Variants in SLC4A4 observed in about 807,000 individuals in gnomAD.
SLC4A4 encodes solute carrier family 4 member 4.
SLC4A4 carries 27 observed loss-of-function variants against 111.5 expected under a neutral mutation model. The ratio of observed to expected loss-of-function variants is 0.24; its 90% CI spans 0.18 to 0.33. SLC4A4 has a LOEUF of 0.33. Among genes scored for constraint, SLC4A4 ranks in the 10% least tolerant of loss-of-function variants. SLC4A4 has a pLI of 1.00. For missense variants in SLC4A4, 909 were observed against 1,315.5 expected, an observed-to-expected ratio of 0.69 and a Z score of 4.78; for synonymous variants, 443 against 463.4, an observed-to-expected ratio of 0.96 and a Z score of 0.57.
At chr4:71,527,719 A>G (rs1733546202) in intron 16 of SLC4A4, among the ~76,000 whole-genome samples, 1 of 151,900 alleles carries the variant, frequency 6.6e-6, no homozygotes, top group African/African-American at 2.4e-5. Flanking sequence ...GAGGAGAGCT[A>G]TCTGCCTTTT....
chr4:71,241,591 A>G (rs1324473322), intron 2 of SLC4A4, among the ~76,000 whole-genome samples: 2 of 152,060 alleles, frequency 1.3e-5, no homozygotes, highest in Non-Finnish European at 2.9e-5. Flanking sequence ...AACCTATCGG[A>G]TGGGCAGGGA....
intron 3 of SLC4A4, among the ~76,000 whole-genome samples, chr4:71,279,774 T>G (rs927250414): frequency 3.3e-5 from 5 of 152,142 alleles, no homozygotes; most frequent in Non-Finnish European, 5.9e-5. Context: ...TCCACATCCT[T>G]GCCAGTGCTT....
chr4:71,112,607 T>C (rs1381830235), intron 2 of SLC4A4, among the ~76,000 whole-genome samples: 1 of 152,208 alleles, frequency 6.6e-6, no homozygotes, highest in Non-Finnish European at 1.5e-5. Context: ...CTTGGGCCTT[T>C]GTTATTTTGC....
At chr4:71,294,863 T>C (rs1326286111) in intron 3 of SLC4A4, among the ~76,000 whole-genome samples, 1 of 152,240 alleles carries the variant, frequency 6.6e-6, no homozygotes, top group Non-Finnish European at 1.5e-5. Flanking sequence ...TGCAGAGTTA[T>C]ATTTAATTTA....
At chr4:71,509,392 T>C (rs967596283) in intron 16 of SLC4A4, among the ~76,000 whole-genome samples, 22 of 147,314 alleles carry the variant, frequency 1.5e-4, no homozygotes, top group Non-Finnish European at 4.4e-5. Context: ...TCATGGAGTA[T>C]CTTTTGTAGG....
rs183185288 is a variant in SLC4A4 at position 71,084,018 on chromosome 4, C to T, written c.-64-8712C>T. Among the ~76,000 whole-genome samples, 288 of 151,808 alleles carry T rather than the reference C, an allele frequency of 1.9e-3. 5 individuals carry two copies. The highest frequency in any genetic ancestry group is 6.8e-3 in the African/African-American group (279 of 41,260). On this transcript the variant is annotated intron_variant, in intron 1 of 26. Coordinates refer to the SLC4A4 transcript ENST00000649996. ...TGGAGCTGTCTCTCTCTCTCTCTCT[C>T]TCTGTCTCTGTGTGTGTGCATTTAT...
At position 71,497,691 on chromosome 4, in the gene SLC4A4, C is replaced by T. The variant is rs1457769324; in HGVS notation, c.2165C>T (p.Thr722Ile). 1.2e-6 allele frequency: 2 copies of T among 1,607,214 alleles called. No homozygotes were observed. The highest frequency in any genetic ancestry group is 2.2e-5 in the East Asian group (1 of 44,792). ...AAAACTAGTCCTTATTTTCCAACCACAGTAAGTACCTGAACTTTAAATGAT... is the reference window on the plus strand; with the variant it reads ...AAAACTAGTCCTTATTTTCCAACCATAGTAAGTACCTGAACTTTAAATGAT... Reference protein sequence around the residue: ...KFKTSPYFPTTARKLISDFAI... With the variant: ...KFKTSPYFPTIARKLISDFAI... Residue 722 changes from threonine to isoleucine, a missense_variant and splice_region_variant, in exon 16 of 26, where the codon ACA (threonine) becomes ATA (isoleucine). Thr to Ile is a moderately conservative substitution (Grantham distance 89). Coordinates refer to ENST00000264485, the MANE Select transcript of SLC4A4 (RefSeq NM_001098484.3).
At chr4:71,361,031 G>A (rs1261768202) in intron 6 of SLC4A4, among the ~76,000 whole-genome samples, 1 of 152,130 alleles carries the variant, frequency 6.6e-6, no homozygotes. Context: ...AGGAGGAGCG[G>A]CCCGGCTTCT....
chr4:71,297,279 A>C (rs1425374894), intron 3 of SLC4A4, among the ~76,000 whole-genome samples: 2 of 152,088 alleles, frequency 1.3e-5, no homozygotes, highest in African/African-American at 4.8e-5. Context: ...TCATGGTATG[A>C]GTTTGCGTCT....
At chr4:71,165,938 T>C (rs975850499) in intron 2 of SLC4A4, among the ~76,000 whole-genome samples, 1 of 152,154 alleles carries the variant, frequency 6.6e-6, no homozygotes, top group Non-Finnish European at 1.5e-5. Flanking sequence ...TCCAGAATCT[T>C]AACATTTTGA....
At position 71,564,311 on chromosome 4, in the gene SLC4A4, A is replaced by C. The variant is rs1291453952; in HGVS notation, c.3196+422A>C. On this transcript the variant is annotated intron_variant, in intron 24 of 25. Coordinates refer to ENST00000264485, the MANE Select transcript of SLC4A4 (RefSeq NM_001098484.3). ...TTGCATCATTGGTCTCTCAGTGATC[A>C]ATAAATCAATTGTTAATATTGAGAA... Among the ~76,000 whole-genome samples, 5 of 151,874 alleles carry C rather than the reference A, an allele frequency of 3.3e-5. No homozygotes were observed. In the East Asian group the frequency reaches 9.7e-4, roughly 30 times the overall value.
intron 7 of SLC4A4, among the ~76,000 whole-genome samples, chr4:71,405,912 T>C: frequency 6.7e-6 from 1 of 148,496 alleles, no homozygotes; most frequent in East Asian, 2.0e-4. Flanking sequence ...TAATCACTTG[T>C]ATTCTGAAGT....
chr4:71,374,173 A>G (rs1444831653), intron 6 of SLC4A4, among the ~76,000 whole-genome samples: 2 of 152,292 alleles, frequency 1.3e-5, no homozygotes, highest in East Asian at 1.9e-4. Context: ...TTTATTGCCC[A>G]GTGAATTTTG....
chr4:71,283,780 G>T (rs1403461225), intron 3 of SLC4A4, among the ~76,000 whole-genome samples: 1 of 152,192 alleles, frequency 6.6e-6, no homozygotes, highest in Non-Finnish European at 1.5e-5. Flanking sequence ...GTGTTCCAGA[G>T]CCTAGGGAAC....
chr4:71,083,363 T>C (rs1742047098), intron 1 of SLC4A4, among the ~76,000 whole-genome samples: 1 of 151,896 alleles, frequency 6.6e-6, no homozygotes, highest in Non-Finnish European at 1.5e-5. Flanking sequence ...ACTGTAGAGA[T>C]TATATTTGAG....
intron 7 of SLC4A4, among the ~76,000 whole-genome samples, chr4:71,436,284 C>T (rs910228940): frequency 2.0e-5 from 3 of 152,148 alleles, no homozygotes; most frequent in Non-Finnish European, 2.9e-5. Context: ...TGGAAACCAT[C>T]ATTCTCAGCA....
intron 18 of SLC4A4, among the ~76,000 whole-genome samples, chr4:71,535,583 C>T (rs1734343444): frequency 6.6e-6 from 1 of 152,074 alleles, no homozygotes. Flanking sequence ...TCCATCAAAA[C>T]TTGTAAGTTA....
intron 2 of SLC4A4, among the ~76,000 whole-genome samples, chr4:71,245,851 T>G (rs1241055575): frequency 6.6e-6 from 1 of 152,084 alleles, no homozygotes; most frequent in African/African-American, 2.4e-5. Flanking sequence ...ATTAACAAAG[T>G]GCAGTCATAG....
At chr4:71,313,187 A>T (rs1264667096) in intron 3 of SLC4A4, among the ~76,000 whole-genome samples, 1 of 152,228 alleles carries the variant, frequency 6.6e-6, no homozygotes, top group Non-Finnish European at 1.5e-5. Context: ...AATTGCTACA[A>T]AGAGAATAAA....
Sources: allele counts gnomAD v4.1 joint callset (sites outside exome capture counted in the v4.1 genomes callset), GRCh38; gene constraint gnomAD v4.1.1; transcripts MANE v1.5; gene names NCBI Gene and HGNC (gene_info 2026-07-23, HGNC 2026-07-21).